DAB1: variants seen among roughly 807,000 people sequenced by gnomAD.
DAB1 encodes disabled homolog 1.
Under a neutral mutation model 64.6 loss-of-function variants are expected in DAB1, and 15 were observed. That is an observed-to-expected ratio of 0.23 (90% CI 0.16 to 0.36). DAB1 has a LOEUF of 0.36. Ranked by LOEUF, DAB1 falls within the 10% of genes least tolerant of loss-of-function variation. The pLI is 1.00. For missense variants in DAB1, 596 were observed against 706.7 expected, an observed-to-expected ratio of 0.84 and a Z score of 1.78; for synonymous variants, 235 against 251.9, an observed-to-expected ratio of 0.93 and a Z score of 0.64.
intron 6 of DAB1, among the ~76,000 whole-genome samples, chr1:57,693,238 C>T (rs1042630454): frequency 1.1e-4 from 17 of 151,266 alleles, no homozygotes; most frequent in Admixed American, 7.3e-4. Flanking sequence ...GAGCAGTCAT[C>T]GCCCAATTCC....
chr1:57,977,122 A>G (rs1029869505), intron 5 of DAB1, among the ~76,000 whole-genome samples: 4 of 152,120 alleles, frequency 2.6e-5, no homozygotes, highest in African/African-American at 9.7e-5. Context: ...ACAGGTTACA[A>G]TGCTTGTTTC....
At chr1:57,079,286 C>T (rs187399724) in intron 4 of DAB1, among the ~76,000 whole-genome samples, 10 of 152,158 alleles carry the variant, frequency 6.6e-5, no homozygotes, top group Non-Finnish European at 1.5e-4. Context: ...GTCACTAACC[C>T]TCCTTGAGCC....
rs565456725 is a variant in DAB1, at chr1:58,429,928, A to G, written n.257+76132T>C. Among the ~76,000 whole-genome samples the G allele has an allele frequency of 2.0e-5, 3 of 152,320 alleles. No homozygotes were observed. The South Asian group carries it at 6.2e-4, about 32-fold the overall frequency. On this transcript the variant is annotated intron_variant and non_coding_transcript_variant, in intron 3 of 20. Coordinates refer to the DAB1 transcript ENST00000485760. ...GTGCTTGCAAATTTGGTATCTGGTGAGCATCTACTTTCTTGTTCATAGGCC... is the reference window on the plus strand; with the variant it reads ...GTGCTTGCAAATTTGGTATCTGGTGGGCATCTACTTTCTTGTTCATAGGCC...
At chr1:58,109,503 A>G (rs751965164) in intron 5 of DAB1, among the ~76,000 whole-genome samples, 2 of 152,132 alleles carry the variant, frequency 1.3e-5, no homozygotes, top group Non-Finnish European at 2.9e-5. Flanking sequence ...GAGGAGAACT[A>G]ATGGATCAAC....
Position 57,011,220 on chromosome 1 carries a change from A to G in DAB1, c.1497T>C (p.His499=), listed in dbSNP as rs1317372832. ...TGTCATCTGTGGTAGGATCACTGGC[A>G]TGGGATGCAGATGATTTGGATGGAG... The part of the protein sequence containing the change: ...QSSPSKSSAS[H]ASDPTTDDIF... Residue 499 remains histidine (H), a synonymous_variant, in exon 13 of 15, where the codon CAT becomes CAC. Coordinates refer to ENST00000371236, the MANE Select transcript of DAB1 (RefSeq NM_001365792.1). The G allele has an allele frequency of 6.2e-7, 1 of 1,613,952 alleles. No individual in the cohort carries two copies. The highest frequency in any genetic ancestry group is 1.3e-5 in the African/African-American group (1 of 74,932).
chr1:58,185,891 G>A (rs1657048442), intron 4 of DAB1, among the ~76,000 whole-genome samples: 1 of 152,208 alleles, frequency 6.6e-6, no homozygotes, highest in South Asian at 2.1e-4. Context: ...TCTGTGGCAT[G>A]TGGATAGGGC....
At chr1:57,071,716 C>T (rs543369336) in intron 5 of DAB1, 75 bp from the exon 6 acceptor site, 31 of 1,387,092 alleles carry the variant, frequency 2.2e-5, no homozygotes, top group East Asian at 1.2e-4. Flanking sequence ...GTTTTTGCGG[C>T]GACAACCCGC....
chr1:58,071,369 T>C lies in DAB1; in HGVS notation n.387+79142A>G, dbSNP rs919623471. On this transcript the variant is annotated intron_variant and non_coding_transcript_variant, in intron 5 of 20. Coordinates refer to the DAB1 transcript ENST00000485760. Reference sequence around the variant, plus strand: ...ACCTCCATCAAAGGAGAATGGTGTGTGTGTGTGTGTGTGTGTGTGTGTGTG... The same window carrying C: ...ACCTCCATCAAAGGAGAATGGTGTGCGTGTGTGTGTGTGTGTGTGTGTGTG... Among the ~76,000 whole-genome samples, 3 of 125,914 alleles carry C rather than the reference T, an allele frequency of 2.4e-5. No individual in the cohort carries two copies. The Admixed American group carries it at 2.4e-4, about 10-fold the overall frequency. The allele number at this position is 125,914 out of a possible 152,430, so 82.6% of individuals were successfully genotyped here.
At chr1:57,368,065 A>G (rs1558251634) in intron 1 of DAB1, among the ~76,000 whole-genome samples, 3 of 152,210 alleles carry the variant, frequency 2.0e-5, no homozygotes, top group South Asian at 2.1e-4. Context: ...CTTGAAGCAA[A>G]GTGGGGTGAG....
chr1:57,177,997 T>C (rs542231391), intron 2 of DAB1, among the ~76,000 whole-genome samples: 53 of 152,290 alleles, frequency 3.5e-4, no homozygotes, highest in Non-Finnish European at 5.7e-4. Context: ...CCTGAGAATA[T>C]AGTTTTCTCA....
chr1:57,699,337 C>G (rs1370322925), intron 6 of DAB1, among the ~76,000 whole-genome samples: 1 of 152,142 alleles, frequency 6.6e-6, no homozygotes, highest in Admixed American at 6.5e-5. Flanking sequence ...TATAATTAAG[C>G]AATTGAGAGA....
chr1:57,014,850 T>G, intron 12 of DAB1, 33 bp downstream of exon 12: 23 of 1,489,000 alleles, frequency 1.5e-5, no homozygotes, highest in Non-Finnish European at 2.0e-5. Context: ...ACGGCTCTCA[T>G]TGGGTTTTAT....
intron 5 of DAB1, among the ~76,000 whole-genome samples, chr1:58,098,170 G>A (rs996585250): frequency 2.0e-5 from 3 of 152,138 alleles, no homozygotes; most frequent in South Asian, 2.1e-4. Flanking sequence ...TTCTCTTTGC[G>A]TCTTTCACCC....
At chr1:58,093,071 C>G (rs1291921242) in intron 5 of DAB1, among the ~76,000 whole-genome samples, 1 of 152,180 alleles carries the variant, frequency 6.6e-6, no homozygotes, top group Non-Finnish European at 1.5e-5. Flanking sequence ...TAGCTGCCTC[C>G]CATTTTATGC....
At chr1:57,924,388 G>A (rs564909902) in intron 5 of DAB1, among the ~76,000 whole-genome samples, 1 of 152,300 alleles carries the variant, frequency 6.6e-6, no homozygotes, top group South Asian at 2.1e-4. Flanking sequence ...CAACTCTGGA[G>A]TCAGACAGTC....
At chr1:58,045,505 T>C (rs1647220427) in intron 5 of DAB1, among the ~76,000 whole-genome samples, 1 of 152,170 alleles carries the variant, frequency 6.6e-6, no homozygotes, top group African/African-American at 2.4e-5. Context: ...TTCCCGGCGA[T>C]AATGAGGTGG....
At chr1:57,838,577 A>G (rs1652914074) in intron 1 of DAB1, among the ~76,000 whole-genome samples, 1 of 152,118 alleles carries the variant, frequency 6.6e-6, no homozygotes. Context: ...AAGAAATATA[A>G]TATGATTTGG....
chr1:58,239,979 T>C (rs1306415454), intron 4 of DAB1, among the ~76,000 whole-genome samples: 1 of 152,168 alleles, frequency 6.6e-6, no homozygotes, highest in Non-Finnish European at 1.5e-5. Flanking sequence ...AAATGTAAAG[T>C]TGTCTTTGCT....
chr1:58,096,676 A>T (rs1157835051), intron 5 of DAB1, among the ~76,000 whole-genome samples: 6 of 152,252 alleles, frequency 3.9e-5, no homozygotes, highest in Non-Finnish European at 8.8e-5. Flanking sequence ...AAGGCAGATA[A>T]GGAAACTAAG....
Sources: allele counts gnomAD v4.1 joint callset (sites outside exome capture counted in the v4.1 genomes callset), GRCh38; gene constraint gnomAD v4.1.1; transcripts MANE v1.5; gene names NCBI Gene and HGNC (gene_info 2026-07-23, HGNC 2026-07-21).